Variants in KCNMA1 observed in about 807,000 individuals in gnomAD.
The protein encoded by KCNMA1 is potassium calcium-activated channel subfamily M alpha 1.
In KCNMA1, 29 loss-of-function variants were observed where a neutral mutation model predicts 140.0. The ratio of observed to expected loss-of-function variants is 0.21; its 90% CI spans 0.15 to 0.28. The LOEUF (loss-of-function observed/expected upper bound fraction) is 0.28, where lower values mean the gene tolerates loss of function less well. KCNMA1 is among the 10% of genes least tolerant of loss of function. The probability of loss-of-function intolerance (pLI) is 1.00; values close to 1 mark genes in which losing one functional copy is unlikely to be tolerated. For synonymous variants in KCNMA1, 612 were observed against 611.9 expected, an observed-to-expected ratio of 1.00 and a Z score of 0.00; for missense variants, 880 against 1,602.2, an observed-to-expected ratio of 0.55 and a Z score of 7.70.
At chr10:76,918,072 T>C (rs752230755) in intron 23 of KCNMA1, among the ~76,000 whole-genome samples, 1 of 152,166 alleles carries the variant, frequency 6.6e-6, no homozygotes, top group Non-Finnish European at 1.5e-5. Flanking sequence ...CTCCTTCCCA[T>C]TATTGCTTGC....
chr10:77,384,666 G>T (rs1216496264), intron 2 of KCNMA1, among the ~76,000 whole-genome samples: 1 of 152,200 alleles, frequency 6.6e-6, no homozygotes, highest in Non-Finnish European at 1.5e-5. Context: ...GTCCCCAAAG[G>T]GGAGGCAATG....
chr10:77,189,806 A>G (rs137967375), intron 3 of KCNMA1, among the ~76,000 whole-genome samples: 8 of 152,296 alleles, frequency 5.3e-5, no homozygotes, highest in African/African-American at 1.9e-4. Context: ...ACATGAGTCA[A>G]TGCAATAAGC....
At chr10:77,014,396 A>G in intron 17 of KCNMA1, among the ~76,000 whole-genome samples, 1 of 151,584 alleles carries the variant, frequency 6.6e-6, no homozygotes, top group Non-Finnish European at 1.5e-5. Flanking sequence ...ACTGCACTCC[A>G]GCCTGGGAGC....
At chr10:77,365,628 G>A (rs977780620) in intron 2 of KCNMA1, among the ~76,000 whole-genome samples, 7 of 152,166 alleles carry the variant, frequency 4.6e-5, no homozygotes, top group Non-Finnish European at 7.3e-5. Context: ...TTATGGCCAC[G>A]TTTTGTTTCC....
chr10:77,001,274 T>C, intron 19 of KCNMA1, 133 bp downstream of exon 19: 1 of 810,470 alleles, frequency 1.2e-6, no homozygotes, highest in Non-Finnish European at 2.1e-6. Context: ...GGGCAACATG[T>C]CAGCACACAG....
rs1274965823 is a variant in KCNMA1, at chr10:77,000,837, G to C, written c.2266+570C>G. ...CACTGGAGGAATGAGGCACAGGTTA[G>C]AGAGACATAGTAAAAAGAAAATATA... On this transcript the variant is annotated intron_variant, in intron 19 of 27. Transcript: ENST00000286628. 2.0e-4 allele frequency among the ~76,000 whole-genome samples: 20 copies of C among 100,682 alleles called. No individual in the cohort carries two copies. The Admixed American group carries it at 2.2e-3, about 11-fold the overall frequency. 66.1% of individuals were successfully genotyped at this position (100,682 alleles called of 152,430 possible). A position where few individuals can be genotyped will look rare whatever the true frequency, so the allele number is the denominator to read the frequency against.
chr10:77,387,778 CA>C (rs1356311175), intron 2 of KCNMA1, among the ~76,000 whole-genome samples: 1 of 151,968 alleles, frequency 6.6e-6, no homozygotes, highest in South Asian at 2.1e-4. Flanking sequence ...CCAGCATGCT[CA>C]GCTAATTTTT....
chr10:77,132,314 G>A (rs570410614), intron 5 of KCNMA1, among the ~76,000 whole-genome samples: 8 of 152,006 alleles, frequency 5.3e-5, no homozygotes, highest in Admixed American at 2.6e-4. Context: ...ATACAAAGGG[G>A]CACAGGAATG....
chr10:77,631,826 T>A (rs2673406), intron 1 of KCNMA1, among the ~76,000 whole-genome samples: 87,039 of 151,998 alleles, frequency 0.57, 26,678 homozygotes, highest in African/African-American at 0.78. Flanking sequence ...TTTCCTCCTG[T>A]TGTATGTTTG....
intron 3 of KCNMA1, among the ~76,000 whole-genome samples, chr10:77,228,540 G>A (rs1463763446): frequency 3.3e-5 from 5 of 152,176 alleles, no homozygotes; most frequent in African/African-American, 1.2e-4. Context: ...CAGGGTCCCT[G>A]AGCCACCTCT....
chr10:77,230,458 C>T (rs1207400126), intron 3 of KCNMA1, among the ~76,000 whole-genome samples: 1 of 152,110 alleles, frequency 6.6e-6, no homozygotes, highest in Admixed American at 6.5e-5. Flanking sequence ...TGAATTTTGC[C>T]AGGATTAAGA....
chr10:77,051,689 G>A (rs752533669), intron 14 of KCNMA1, among the ~76,000 whole-genome samples: 5 of 152,152 alleles, frequency 3.3e-5, no homozygotes, highest in Non-Finnish European at 7.3e-5. Flanking sequence ...GTACAGCAGG[G>A]AAGTGCCTAA....
At chr10:77,359,809 T>C (rs574085181) in intron 2 of KCNMA1, among the ~76,000 whole-genome samples, 16 of 152,186 alleles carry the variant, frequency 1.1e-4, no homozygotes, top group Non-Finnish European at 2.1e-4. Context: ...TTCTGTGTTT[T>C]TCAAATAAAT....
intron 5 of KCNMA1, among the ~76,000 whole-genome samples, chr10:77,134,934 A>G (rs1280509707): frequency 7.6e-6 from 1 of 131,566 alleles, no homozygotes; most frequent in Non-Finnish European, 1.6e-5. Context: ...GGAGGTGGAG[A>G]TTGCAGTGAG....
intron 2 of KCNMA1, among the ~76,000 whole-genome samples, chr10:77,308,421 T>C (rs1296548367): frequency 6.6e-6 from 1 of 152,242 alleles, no homozygotes; most frequent in Non-Finnish European, 1.5e-5. Context: ...GTCCCTTTTA[T>C]GTCTCACTCA....
At chr10:77,560,082 C>G (rs983134822) in intron 1 of KCNMA1, among the ~76,000 whole-genome samples, 12 of 151,914 alleles carry the variant, frequency 7.9e-5, no homozygotes, top group African/African-American at 2.7e-4. Context: ...ACTCAGGAGG[C>G]TGAGGCAGGA....
chr10:77,057,317 T>C (rs532084814), intron 14 of KCNMA1, among the ~76,000 whole-genome samples: 2 of 152,136 alleles, frequency 1.3e-5, no homozygotes, highest in South Asian at 4.1e-4. Flanking sequence ...CACCAAAATG[T>C]CCCTAAGTAA....
intron 14 of KCNMA1, chr10:77,064,264 A>G: frequency 4.7e-6 from 1 of 211,570 alleles, no homozygotes; most frequent in Non-Finnish European, 8.2e-6. Context: ...AGTAAAGAAT[A>G]ATGAGTTAAA....
At chr10:77,128,030 T>A (rs755103355) in intron 5 of KCNMA1, among the ~76,000 whole-genome samples, 2 of 152,090 alleles carry the variant, frequency 1.3e-5, no homozygotes, top group Non-Finnish European at 2.9e-5. Context: ...AGACCCCAAA[T>A]AAGAGCTCAT....
Sources: allele counts gnomAD v4.1 joint callset (sites outside exome capture counted in the v4.1 genomes callset), GRCh38; gene constraint gnomAD v4.1.1; transcripts MANE v1.5; gene names NCBI Gene and HGNC (gene_info 2026-07-23, HGNC 2026-07-21).